The following PDZD2 variants were observed in gnomAD, a reference collection of about 807,000 sequenced individuals.
PDZD2 encodes PDZ domain containing 2.
A neutral mutation model predicts 220.7 loss-of-function variants in PDZD2; 90 were observed. The observed-to-expected ratio is 0.41, with a 90% CI of 0.34 to 0.49. PDZD2 has a LOEUF of 0.49. Among genes scored for constraint, PDZD2 ranks in the 20% least tolerant of loss-of-function variants. PDZD2 has a pLI of 0.28. For synonymous variants in PDZD2, 1,375 were observed against 1,450.5 expected (o/e 0.95, Z 1.18); for missense variants, 3,174 against 3,608.5 (o/e 0.88, Z 3.08).
intron 2 of PDZD2, among the ~76,000 whole-genome samples, chr5:31,861,910 T>A (rs1031757605): frequency 6.7e-6 from 1 of 149,176 alleles, no homozygotes; most frequent in Non-Finnish European, 1.5e-5. Context: ...AATGATGTAC[T>A]CTATTTTTAT....
At chr5:31,849,908 A>ACG (rs1286467947) in intron 2 of PDZD2, among the ~76,000 whole-genome samples, 34 of 24,942 alleles carry the variant, frequency 1.4e-3, no homozygotes, top group East Asian at 2.7e-3. Context: ...ATATATACAT[A>ACG]TATATATATA....
intron 2 of PDZD2, among the ~76,000 whole-genome samples, chr5:31,926,999 C>T (rs982554845): frequency 6.6e-6 from 1 of 152,202 alleles, no homozygotes; most frequent in South Asian, 2.1e-4. Context: ...ATTATTCTCA[C>T]AAGTGGGAGC....
At chr5:32,096,640 T>G (rs1421223109) in intron 21 of PDZD2, among the ~76,000 whole-genome samples, 1 of 151,908 alleles carries the variant, frequency 6.6e-6, no homozygotes, top group Non-Finnish European at 1.5e-5. Context: ...TTGGCATCAG[T>G]TAATTAATTG....
intron 2 of PDZD2, among the ~76,000 whole-genome samples, chr5:31,803,947 G>A (rs971659284): frequency 6.6e-5 from 10 of 151,760 alleles, no homozygotes; most frequent in Non-Finnish European, 1.5e-4. Context: ...GCTGAGGTGG[G>A]AGGATTGCTT....
chr5:32,047,325 C>T (rs991922498), intron 7 of PDZD2, among the ~76,000 whole-genome samples: 10 of 152,160 alleles, frequency 6.6e-5, no homozygotes, highest in Admixed American at 5.9e-4. Flanking sequence ...TCTAGAACTT[C>T]CCTGTGCTGG....
intron 19 of PDZD2, among the ~76,000 whole-genome samples, chr5:32,082,083 G>A (rs1191518060): frequency 3.4e-5 from 5 of 147,044 alleles, no homozygotes; most frequent in East Asian, 2.0e-4. Context: ...GTGCAATGGC[G>A]CGATCTTGGC....
chr5:31,926,216 T>G (rs1744740700), intron 2 of PDZD2, among the ~76,000 whole-genome samples: 2 of 110,470 alleles, frequency 1.8e-5, no homozygotes, highest in Non-Finnish European at 1.8e-5. Context: ...CAAGACCCTG[T>G]CACTTAAAAA....
Position 32,033,929 on chromosome 5 carries a change from A to G in PDZD2, c.1408-3302A>G, listed in dbSNP as rs1448384397. 3.9e-4 allele frequency among the ~76,000 whole-genome samples: 59 copies of G among 152,150 alleles called. 1 individual carries two copies. Among genetic ancestry groups the G allele is most frequent in the Admixed American group, 3.9e-3 (59 of 15,270 alleles). Reference sequence around the variant, plus strand: ...CCACCACGTCTGGCTCACATATACCATCTTTAGCATAAGATTTCTTTGACA... The same window carrying G: ...CCACCACGTCTGGCTCACATATACCGTCTTTAGCATAAGATTTCTTTGACA... On this transcript the variant is annotated intron_variant, in intron 6 of 24. Coordinates refer to ENST00000438447, the MANE Select transcript of PDZD2 (RefSeq NM_178140.4).
chr5:31,791,626 A>G (rs1316234084), intron 1 of PDZD2, among the ~76,000 whole-genome samples: 1 of 140,470 alleles, frequency 7.1e-6, no homozygotes, highest in Non-Finnish European at 1.5e-5. Flanking sequence ...GTTAAAAAAG[A>G]AAAAGCACCT....
chr5:32,065,208 G>A (rs999929641), intron 14 of PDZD2, among the ~76,000 whole-genome samples: 2 of 150,838 alleles, frequency 1.3e-5, no homozygotes, highest in African/African-American at 4.9e-5. Flanking sequence ...TGAGGAAGGA[G>A]AAATCACTTG....
rs1757660970 is a variant in PDZD2, at chr5:31,847,634, T to C, written c.476+47910T>C. 6 of 623,470 alleles carry C rather than the reference T, an allele frequency of 9.6e-6. 1 individual carries two copies. The East Asian group carries it at 2.3e-4, about 24-fold the overall frequency. The allele number at this position is 623,470 out of a possible 1,614,324, so 38.6% of individuals were successfully genotyped here. On this transcript the variant is annotated intron_variant, in intron 2 of 24. Coordinates refer to ENST00000438447, the MANE Select transcript of PDZD2 (RefSeq NM_178140.4). ...GGCAAGATCTAGGAATGCCAAGTGG[T>C]GGTGACTGGAGATGAATACAATGTG...
intron 1 of PDZD2, among the ~76,000 whole-genome samples, chr5:31,740,818 A>T (rs1750214782): frequency 6.6e-6 from 1 of 152,220 alleles, no homozygotes; most frequent in Non-Finnish European, 1.5e-5. Context: ...TCCCTTCTTA[A>T]AAATGAGTTA....
intron 2 of PDZD2, among the ~76,000 whole-genome samples, chr5:31,901,598 A>G (rs937296621): frequency 3.3e-5 from 5 of 152,130 alleles, no homozygotes; most frequent in Non-Finnish European, 7.4e-5. Flanking sequence ...AGGTTTTTTT[A>G]AAAAACGGTT....
At chr5:32,072,422 G>A in intron 17 of PDZD2, 105 bp downstream of exon 17, 1 of 913,582 alleles carries the variant, frequency 1.1e-6, no homozygotes, top group Non-Finnish European at 1.6e-6. Context: ...CCCTGGCGCT[G>A]TAATACGAGA....
At chr5:31,913,700 A>G (rs560859790) in intron 2 of PDZD2, among the ~76,000 whole-genome samples, 13 of 152,302 alleles carry the variant, frequency 8.5e-5, no homozygotes, top group South Asian at 6.2e-4. Flanking sequence ...AAGCAGGTCA[A>G]AGTTGAAGGG....
intron 2 of PDZD2, among the ~76,000 whole-genome samples, chr5:31,862,043 T>C (rs1046327647): frequency 6.6e-6 from 1 of 152,014 alleles, no homozygotes; most frequent in Non-Finnish European, 1.5e-5. Flanking sequence ...TCAAACATTA[T>C]TGTGAATGAA....
rs375687282 is a variant in PDZD2 at position 31,865,530 on chromosome 5, A to G, written c.476+65806A>G. On this transcript the variant is annotated intron_variant, in intron 2 of 24. Coordinates refer to ENST00000438447, the MANE Select transcript of PDZD2 (RefSeq NM_178140.4). ...TCTCCCTGTGTTGCCCAGGCTGGTC[A>G]TGAACTCCTAGGCTCAAACAATCCT... Among the ~76,000 whole-genome samples, 56 of 148,508 alleles carry G rather than the reference A, an allele frequency of 3.8e-4. 1 individual carries two copies. Among genetic ancestry groups the G allele is most frequent in the African/African-American group, 1.3e-3 (52 of 40,218 alleles).
intron 3 of PDZD2, among the ~76,000 whole-genome samples, chr5:31,984,570 G>C (rs1044933625): frequency 6.6e-6 from 1 of 151,984 alleles, no homozygotes; most frequent in African/African-American, 2.4e-5. Flanking sequence ...GGCCAGGCGC[G>C]GCAGCTTGTG....
At chr5:31,922,773 G>A (rs909657139) in intron 2 of PDZD2, among the ~76,000 whole-genome samples, 1 of 151,996 alleles carries the variant, frequency 6.6e-6, no homozygotes, top group Non-Finnish European at 1.5e-5. Context: ...CCCCCCTCCG[G>A]GCTCAAGTGA....
Sources: allele counts gnomAD v4.1 joint callset (sites outside exome capture counted in the v4.1 genomes callset), GRCh38; gene constraint gnomAD v4.1.1; transcripts MANE v1.5; gene names NCBI Gene and HGNC (gene_info 2026-07-23, HGNC 2026-07-21).